The following MAPK10 variants were observed in gnomAD, a reference collection of about 807,000 sequenced individuals.
MAPK10 encodes the protein JNK3 alpha protein kinase.
A neutral mutation model predicts 59.3 loss-of-function variants in MAPK10; 25 were observed. The ratio of observed to expected loss-of-function variants is 0.42; its 90% CI spans 0.31 to 0.59. The LOEUF (loss-of-function observed/expected upper bound fraction) is 0.59, where lower values mean the gene tolerates loss of function less well. Among genes scored for constraint, MAPK10 ranks in the 20% least tolerant of loss-of-function variants. The pLI, the probability that MAPK10 is intolerant of heterozygous loss-of-function variation, is 0.15. For missense variants in MAPK10, 351 were observed against 568.9 expected, an observed-to-expected ratio of 0.62 and a Z score of 3.90; for synonymous variants, 190 against 200.5, an observed-to-expected ratio of 0.95 and a Z score of 0.44.
At chr4:86,505,242 C>T (rs974975124) in intron 1 of MAPK10, among the ~76,000 whole-genome samples, 1 of 152,104 alleles carries the variant, frequency 6.6e-6, no homozygotes, top group African/African-American at 2.4e-5. Context: ...TTTTAAGTTT[C>T]CTTTCAGCAT....
At chr4:86,271,423 T>C (rs1343647920) in intron 2 of MAPK10, among the ~76,000 whole-genome samples, 1 of 152,096 alleles carries the variant, frequency 6.6e-6, no homozygotes, top group Non-Finnish European at 1.5e-5. Flanking sequence ...TCAGTTTTTT[T>C]ATTTTAAGAA....
chr4:86,052,196 T>C (rs2043683737), intron 11 of MAPK10, among the ~76,000 whole-genome samples: 1 of 152,166 alleles, frequency 6.6e-6, no homozygotes, highest in Non-Finnish European at 1.5e-5. Flanking sequence ...CTTTTACAGA[T>C]GAAAGAGCAT....
intron 4 of MAPK10, chr4:86,127,447 T>G (rs2060257628): frequency 6.6e-6 from 1 of 152,058 alleles, no homozygotes; most frequent in Non-Finnish European, 1.5e-5. Flanking sequence ...TTTAACTAGT[T>G]TTCATACTTT....
chr4:86,122,686 T>G (rs986558566), intron 4 of MAPK10, among the ~76,000 whole-genome samples: 2 of 151,100 alleles, frequency 1.3e-5, no homozygotes, highest in Non-Finnish European at 2.9e-5. Flanking sequence ...ATGTTTATGG[T>G]GTTGGCTTTT....
intron 2 of MAPK10, among the ~76,000 whole-genome samples, chr4:86,307,084 A>G (rs1478591279): frequency 6.6e-6 from 1 of 152,208 alleles, no homozygotes; most frequent in Non-Finnish European, 1.5e-5. Flanking sequence ...TGGGGGAAAA[A>G]AGAAGCAAAA....
At chr4:86,551,610 C>G (rs997036684) in intron 1 of MAPK10, among the ~76,000 whole-genome samples, 2 of 150,746 alleles carry the variant, frequency 1.3e-5, no homozygotes, top group Non-Finnish European at 3.0e-5. Context: ...CTCTTTCTCT[C>G]TTTCTTTCTT....
chr4:86,515,879 G>T (rs1176232757), intron 1 of MAPK10, among the ~76,000 whole-genome samples: 7 of 130,320 alleles, frequency 5.4e-5, no homozygotes, highest in East Asian at 2.2e-4. Context: ...TTTGTTTTTT[G>T]TTGTTGTTTT....
chr4:86,155,557 G>A (rs1367260467), intron 4 of MAPK10, among the ~76,000 whole-genome samples: 1 of 151,902 alleles, frequency 6.6e-6, no homozygotes, highest in Non-Finnish European at 1.5e-5. Context: ...CTGGATAATA[G>A]TGAACTCTAT....
At chr4:86,072,395 G>A (rs2048234838) in intron 9 of MAPK10, among the ~76,000 whole-genome samples, 1 of 149,684 alleles carries the variant, frequency 6.7e-6, no homozygotes, top group African/African-American at 2.5e-5. Flanking sequence ...TCCTTCTCCT[G>A]TCTAATTGCC....
chr4:86,098,249 C>T (rs867046625), intron 9 of MAPK10, among the ~76,000 whole-genome samples: 6 of 151,796 alleles, frequency 4.0e-5, no homozygotes, highest in South Asian at 2.1e-4. Flanking sequence ...ATCTGGTAGC[C>T]TTTGTTATTA....
intron 1 of MAPK10, among the ~76,000 whole-genome samples, chr4:86,567,955 G>A (rs1761177528): frequency 6.6e-6 from 1 of 152,076 alleles, no homozygotes; most frequent in Non-Finnish European, 1.5e-5. Context: ...AGAGCAATCA[G>A]GCAAGAGGGA....
At chr4:86,338,332 C>A (rs1267201922) in intron 2 of MAPK10, among the ~76,000 whole-genome samples, 1 of 152,228 alleles carries the variant, frequency 6.6e-6, no homozygotes, top group Non-Finnish European at 1.5e-5. Flanking sequence ...GAACTCCCTA[C>A]CCTTACCCGC....
At chr4:86,520,808 T>C (rs1020395464) in intron 1 of MAPK10, among the ~76,000 whole-genome samples, 4 of 152,192 alleles carry the variant, frequency 2.6e-5, no homozygotes, top group African/African-American at 9.6e-5. Flanking sequence ...TGGTGATCCC[T>C]TGATGTGGTG....
intron 2 of MAPK10, 101 bp downstream of exon 2, chr4:86,354,429 G>A (rs140164147): frequency 2.2e-5 from 10 of 461,330 alleles, no homozygotes; most frequent in African/African-American, 4.0e-5. Context: ...ATTTGGAGCA[G>A]TATTTCTCCA....
Position 86,475,916 on chromosome 4 carries a change from G to A in MAPK10, c.-263+117994C>T, listed in dbSNP as rs149727792. ...ACTCACACCTGACCTAAACCTAAAC[G>A]CCTTATTTTCTTCTACAATACCGTT... On this transcript the variant is annotated intron_variant, in intron 1 of 4. Coordinates refer to the MAPK10 transcript ENST00000502302. Among the ~76,000 whole-genome samples the A allele has an allele frequency of 4.0e-3, 602 of 151,894 alleles. 8 individuals carry two copies. The highest frequency in any genetic ancestry group is 0.014 in the African/African-American group (575 of 41,420).
At chr4:86,575,819 A>G (rs1761839661) in intron 1 of MAPK10, among the ~76,000 whole-genome samples, 1 of 151,048 alleles carries the variant, frequency 6.6e-6, no homozygotes, top group Non-Finnish European at 1.5e-5. Flanking sequence ...TCATTCTTAA[A>G]CACAAAAGGG....
At chr4:86,462,129 C>T (rs907008248) in intron 1 of MAPK10, among the ~76,000 whole-genome samples, 1 of 152,202 alleles carries the variant, frequency 6.6e-6, no homozygotes, top group Non-Finnish European at 1.5e-5. Context: ...TGATACTGCA[C>T]AAAAGCTATG....
chr4:86,273,179 A>T (rs1360963202), intron 2 of MAPK10, among the ~76,000 whole-genome samples: 1 of 149,676 alleles, frequency 6.7e-6, no homozygotes, highest in Non-Finnish European at 1.5e-5. Flanking sequence ...TTGCTTCAAG[A>T]AAATCACAAA....
At chr4:86,512,113 GT>G (rs1233711759) in intron 1 of MAPK10, among the ~76,000 whole-genome samples, 1 of 152,024 alleles carries the variant, frequency 6.6e-6, no homozygotes, top group Admixed American at 6.5e-5. Context: ...ACTCCTAAGT[GT>G]TTTGTTTTCC....
Sources: allele counts gnomAD v4.1 joint callset (sites outside exome capture counted in the v4.1 genomes callset), GRCh38; gene constraint gnomAD v4.1.1; transcripts MANE v1.5; gene names NCBI Gene and HGNC (gene_info 2026-07-23, HGNC 2026-07-21).